DENND5B: variants seen among roughly 807,000 people sequenced by gnomAD.
DENND5B encodes DENN domain containing 5B, also known as DENN domain-containing protein 5B.
In DENND5B, 34 loss-of-function variants were observed where a neutral mutation model predicts 140.6. The observed-to-expected ratio is 0.24, with a 90% CI of 0.18 to 0.32. The LOEUF (loss-of-function observed/expected upper bound fraction) is 0.32, where lower values mean the gene tolerates loss of function less well. Ranked by LOEUF, DENND5B falls within the 10% of genes least tolerant of loss-of-function variation. The probability of loss-of-function intolerance (pLI) is 1.00; values close to 1 mark genes in which losing one functional copy is unlikely to be tolerated. For missense variants in DENND5B, 1,142 were observed against 1,560.2 expected (o/e 0.73, Z 4.52); for synonymous variants, 551 against 562.1 (o/e 0.98, Z 0.28).
intron 2 of DENND5B, among the ~76,000 whole-genome samples, chr12:31,481,326 T>C (rs984193415): frequency 5.3e-5 from 8 of 152,200 alleles, no homozygotes; most frequent in Admixed American, 4.6e-4. Context: ...GTGCCTTTTA[T>C]GAGAGGGGCC....
At chr12:31,571,187 G>A (rs909661110) in intron 1 of DENND5B, among the ~76,000 whole-genome samples, 1 of 150,864 alleles carries the variant, frequency 6.6e-6, no homozygotes, top group Non-Finnish European at 1.5e-5. Flanking sequence ...CAACCTGCAG[G>A]GAGACAACCA....
rs868835783 is a variant in DENND5B, at chr12:31,573,443, T to C, written c.127+17263A>G. ...AAGGCACTGAAATAAATACTGAATG[T>C]GCATACATGTCAACAGACATTTCAT... On this transcript the variant is annotated intron_variant, in intron 1 of 20. Transcript: ENST00000389082. Among the ~76,000 whole-genome samples, 3 of 152,362 alleles carry C rather than the reference T, an allele frequency of 2.0e-5. No individual in the cohort carries two copies. The South Asian group carries it at 6.2e-4, about 32-fold the overall frequency.
intron 1 of DENND5B, among the ~76,000 whole-genome samples, chr12:31,553,157 G>T (rs1199044718): frequency 6.6e-6 from 1 of 151,942 alleles, no homozygotes; most frequent in African/African-American, 2.4e-5. Flanking sequence ...GTGATGTTAG[G>T]GTGTCAATTT....
chr12:31,459,530 C>T (rs1380068008), intron 4 of DENND5B, among the ~76,000 whole-genome samples: 4 of 152,040 alleles, frequency 2.6e-5, no homozygotes, highest in Admixed American at 6.6e-5. Context: ...CCTTGTGATC[C>T]GCCCACCTTG....
chr12:31,478,497 G>C (rs963671165), intron 3 of DENND5B, among the ~76,000 whole-genome samples: 5 of 152,134 alleles, frequency 3.3e-5, no homozygotes, highest in South Asian at 2.1e-4. Context: ...TTGAGCCTAG[G>C]ATTTTGAGAG....
chr12:31,414,437 C>T (rs1942617376), intron 12 of DENND5B, among the ~76,000 whole-genome samples: 1 of 152,082 alleles, frequency 6.6e-6, no homozygotes, highest in Non-Finnish European at 1.5e-5. Context: ...GCCACATATC[C>T]TGCCATTATT....
At chr12:31,475,652 G>A (rs541498376) in intron 3 of DENND5B, among the ~76,000 whole-genome samples, 1 of 152,154 alleles carries the variant, frequency 6.6e-6, no homozygotes, top group African/African-American at 2.4e-5. Flanking sequence ...AGGAGGCTGA[G>A]GGGTGAAGGT....
intron 1 of DENND5B, chr12:31,500,424 A>G (rs1176551777): frequency 2.2e-6 from 1 of 451,942 alleles, no homozygotes; most frequent in East Asian, 7.0e-5. Context: ...TCACAACTGT[A>G]ATCTCAGCAC....
At chr12:31,484,491 G>A (rs1946208978) in intron 2 of DENND5B, among the ~76,000 whole-genome samples, 1 of 151,974 alleles carries the variant, frequency 6.6e-6, no homozygotes, top group Non-Finnish European at 1.5e-5. Context: ...CTCATGAGCT[G>A]AGTGGAAATT....
At chr12:31,458,035 C>T (rs1944862597) in intron 4 of DENND5B, among the ~76,000 whole-genome samples, 1 of 152,158 alleles carries the variant, frequency 6.6e-6, no homozygotes, top group Admixed American at 6.5e-5. Flanking sequence ...ATTTTCACAG[C>T]TAATTCAGGT....
chr12:31,436,060 A>C (rs1943739587), intron 7 of DENND5B, among the ~76,000 whole-genome samples: 1 of 151,406 alleles, frequency 6.6e-6, no homozygotes, highest in Non-Finnish European at 1.5e-5. Context: ...CAGCCTCCCA[A>C]AGTGCCGGGA....
At chr12:31,519,567 T>C (rs560393562) in intron 1 of DENND5B, among the ~76,000 whole-genome samples, 39 of 152,322 alleles carry the variant, frequency 2.6e-4, no homozygotes, top group Non-Finnish European at 5.1e-4. Flanking sequence ...TTAGTAACTT[T>C]CACAAGTACT....
At chr12:31,399,519 T>G (rs987166599) in intron 16 of DENND5B, 135 bp downstream of exon 16, 68 of 605,500 alleles carry the variant, frequency 1.1e-4, no homozygotes, top group Non-Finnish European at 1.8e-4. Context: ...CCTCAGGTGA[T>G]CCACCCGCCT....
chr12:31,499,293 C>T (rs545364956), intron 1 of DENND5B, among the ~76,000 whole-genome samples: 1 of 152,312 alleles, frequency 6.6e-6, no homozygotes, highest in Non-Finnish European at 1.5e-5. Flanking sequence ...GCTACAACTA[C>T]ATATCAACTT....
rs773604018 is a variant in DENND5B, at chr12:31,385,285, C to T, written c.*2318G>A. ...AGCCTGGTGAAATAAAACAAACAAACAAACATGAATTCTAGAGCTTGTGTT... is the reference window on the plus strand; with the variant it reads ...AGCCTGGTGAAATAAAACAAACAAATAAACATGAATTCTAGAGCTTGTGTT... On this transcript the variant is annotated 3_prime_UTR_variant, in exon 21 of 21. Coordinates refer to ENST00000389082, the MANE Select transcript of DENND5B (RefSeq NM_144973.4). 2.6e-5 allele frequency: 4 copies of T among 152,138 alleles called. No individual in the cohort carries two copies. The highest frequency in any genetic ancestry group is 9.7e-5 in the African/African-American group (4 of 41,428). The allele number at this position is 152,138 out of a possible 1,614,324, so 9.4% of individuals were successfully genotyped here.
chr12:31,426,910 G>A (rs1485343953), intron 8 of DENND5B, among the ~76,000 whole-genome samples: 1 of 152,094 alleles, frequency 6.6e-6, no homozygotes, highest in Admixed American at 6.6e-5. Flanking sequence ...CTATAATCAA[G>A]TCACAACAGT....
chr12:31,462,513 G>T (rs1040407176), intron 3 of DENND5B, among the ~76,000 whole-genome samples: 7 of 151,988 alleles, frequency 4.6e-5, no homozygotes, highest in African/African-American at 1.7e-4. Flanking sequence ...CCTCTCTGTG[G>T]GTTTCCTAAG....
At chr12:31,518,985 A>G (rs936512576) in intron 1 of DENND5B, among the ~76,000 whole-genome samples, 1 of 152,228 alleles carries the variant, frequency 6.6e-6, no homozygotes, top group Non-Finnish European at 1.5e-5. Context: ...ACAGCAACAA[A>G]GCTCTTCAGG....
chr12:31,499,540 TG>T, intron 1 of DENND5B: 1 of 1,285,970 alleles, frequency 7.8e-7, no homozygotes, highest in South Asian at 1.8e-5. Flanking sequence ...ACATTTATAA[TG>T]GGCTTGCAGT....
Sources: gnomAD v4.1 joint callset for allele counts (sites outside exome capture counted in the v4.1 genomes callset) on GRCh38, gnomAD v4.1.1 for gene constraint, MANE v1.5 for transcripts, NCBI Gene and HGNC (gene_info 2026-07-23, HGNC 2026-07-21) for gene names.